The following DNAJC5B variants were observed in gnomAD, a reference collection of about 807,000 sequenced individuals.
DNAJC5B encodes the protein DnaJ heat shock protein family (Hsp40) member C5 beta.
DNAJC5B carries 23 observed loss-of-function variants against 24.7 expected under a neutral mutation model. The observed-to-expected ratio is 0.93, with a 90% CI of 0.67 to 1.32. DNAJC5B has a LOEUF of 1.32. Among genes scored for constraint, DNAJC5B ranks in the 40% most tolerant of loss-of-function variants. The probability of loss-of-function intolerance (pLI) is 0.00; values close to 1 mark genes in which losing one functional copy is unlikely to be tolerated. For synonymous variants in DNAJC5B, 101 were observed against 90.1 expected (o/e 1.12, Z -0.68); for missense variants, 238 against 240.8 (o/e 0.99, Z 0.08).
intron 5 of DNAJC5B, among the ~76,000 whole-genome samples, chr8:66,083,147 G>A (rs1807640465): frequency 6.6e-6 from 1 of 151,666 alleles, no homozygotes; most frequent in Non-Finnish European, 1.5e-5. Context: ...GAGTAGATGG[G>A]ACTACAGGCA....
intron 5 of DNAJC5B, among the ~76,000 whole-genome samples, chr8:66,096,247 A>AG (rs1807950485): frequency 6.6e-6 from 1 of 152,188 alleles, no homozygotes; most frequent in South Asian, 2.1e-4. Context: ...TAAGGACACC[A>AG]GTCCTGTTGG....
chr8:66,037,000 CT>C (rs1806502225), intron 1 of DNAJC5B, among the ~76,000 whole-genome samples: 1 of 152,308 alleles, frequency 6.6e-6, no homozygotes, highest in South Asian at 2.1e-4. Flanking sequence ...CCAGAGCTAC[CT>C]CGTGCAGGGA....
At chr8:66,042,477 G>A (rs887158363) in intron 1 of DNAJC5B, among the ~76,000 whole-genome samples, 4 of 152,062 alleles carry the variant, frequency 2.6e-5, no homozygotes, top group African/African-American at 9.7e-5. Flanking sequence ...CTACCCATAA[G>A]CTCACCATAT....
chr8:66,069,605 T>G (rs1807301187), intron 3 of DNAJC5B, among the ~76,000 whole-genome samples: 1 of 152,190 alleles, frequency 6.6e-6, no homozygotes, highest in African/African-American at 2.4e-5. Context: ...ACCAGATGGA[T>G]TCACAGCCAA....
chr8:66,099,703 G>A (rs1001944375), intron 5 of DNAJC5B, among the ~76,000 whole-genome samples: 2 of 152,190 alleles, frequency 1.3e-5, no homozygotes, highest in African/African-American at 4.8e-5. Context: ...GTGCCCTCCA[G>A]GTGAAAGCTG....
At chr8:66,063,364 C>G (rs1007553644) in intron 3 of DNAJC5B, among the ~76,000 whole-genome samples, 4 of 152,286 alleles carry the variant, frequency 2.6e-5, no homozygotes, top group Admixed American at 2.0e-4. Flanking sequence ...AAAACAGAGA[C>G]TGCTTATGAA....
chr8:66,058,925 C>G (rs913501089), intron 3 of DNAJC5B, among the ~76,000 whole-genome samples: 2 of 152,040 alleles, frequency 1.3e-5, no homozygotes, highest in African/African-American at 4.8e-5. Context: ...ATGCCAAGCT[C>G]TTTGTGGCAA....
intron 1 of DNAJC5B, among the ~76,000 whole-genome samples, chr8:66,036,122 C>A (rs1326695800): frequency 6.6e-6 from 1 of 152,214 alleles, no homozygotes; most frequent in Non-Finnish European, 1.5e-5. Context: ...CAAGGAAAAC[C>A]TGGCTGAGAC....
intron 1 of DNAJC5B, among the ~76,000 whole-genome samples, chr8:66,039,346 CTTT>C (rs59355860): frequency 3.8e-5 from 5 of 130,568 alleles, no homozygotes; most frequent in African/African-American, 8.5e-5. Context: ...CCACTTCATA[CTTT>C]TTTTTTTTTT....
intron 5 of DNAJC5B, among the ~76,000 whole-genome samples, chr8:66,085,196 T>A (rs1807693930): frequency 6.6e-6 from 1 of 152,206 alleles, no homozygotes; most frequent in African/African-American, 2.4e-5. Context: ...TCCCAGCAAT[T>A]TGGGAGGCGG....
At chr8:66,080,248 T>C in intron 4 of DNAJC5B, 129 bp from the exon 5 acceptor site, 1 of 1,320,774 alleles carries the variant, frequency 7.6e-7, no homozygotes. Context: ...AGGGTGAAGA[T>C]GTGGCCTGTG....
At chr8:66,046,042 A>C (rs901317741) in intron 2 of DNAJC5B, among the ~76,000 whole-genome samples, 6 of 152,108 alleles carry the variant, frequency 3.9e-5, no homozygotes, top group Non-Finnish European at 7.4e-5. Flanking sequence ...ATGTTTAACA[A>C]GACTAGAAAC....
intron 5 of DNAJC5B, among the ~76,000 whole-genome samples, chr8:66,089,801 G>T (rs1326725479): frequency 6.6e-6 from 1 of 152,056 alleles, no homozygotes; most frequent in East Asian, 1.9e-4. Context: ...TTCAAACAGT[G>T]GCATCTTCAG....
intron 3 of DNAJC5B, among the ~76,000 whole-genome samples, chr8:66,068,041 T>C (rs1469602319): frequency 6.6e-6 from 1 of 152,222 alleles, no homozygotes; most frequent in Non-Finnish European, 1.5e-5. Flanking sequence ...TAATATTGGA[T>C]TAAGATGATC....
At chr8:66,027,274 C>T (rs1050789284) in intron 1 of DNAJC5B, among the ~76,000 whole-genome samples, 8 of 152,200 alleles carry the variant, frequency 5.3e-5, no homozygotes, top group Non-Finnish European at 1.2e-4. Context: ...AGCTTCCTGC[C>T]TCCTCTCCTC....
At chr8:66,086,279 C>A (rs1807723026) in intron 5 of DNAJC5B, among the ~76,000 whole-genome samples, 1 of 152,020 alleles carries the variant, frequency 6.6e-6, no homozygotes, top group African/African-American at 2.4e-5. Context: ...CCTTTTGTTT[C>A]TTTTTCTTGC....
At chr8:66,072,983 C>T (rs905310008) in intron 3 of DNAJC5B, among the ~76,000 whole-genome samples, 1 of 152,068 alleles carries the variant, frequency 6.6e-6, no homozygotes, top group African/African-American at 2.4e-5. Context: ...AAGAAGGACA[C>T]CTGTTACAGC....
At chr8:66,017,017 G>A (rs908894398), upstream of DNAJC5B, among the ~76,000 whole-genome samples, 4 of 151,454 alleles carry the variant, frequency 2.6e-5, no homozygotes, top group Admixed American at 2.0e-4. Context: ...TTTCTAAAAT[G>A]TGTGGGTTCT....
At chr8:66,031,310 G>A (rs539785287) in intron 1 of DNAJC5B, among the ~76,000 whole-genome samples, 2 of 152,018 alleles carry the variant, frequency 1.3e-5, no homozygotes, top group Non-Finnish European at 2.9e-5. Flanking sequence ...CATCTGAATG[G>A]CATACAAATA....
Sources: gnomAD v4.1 joint callset for allele counts (sites outside exome capture counted in the v4.1 genomes callset) on GRCh38, gnomAD v4.1.1 for gene constraint, MANE v1.5 for transcripts, NCBI Gene and HGNC (gene_info 2026-07-23, HGNC 2026-07-21) for gene names.